RANBP17: variants seen among roughly 807,000 people sequenced by gnomAD.
The protein encoded by RANBP17 is ran-binding protein 17.
Under a neutral mutation model 141.2 loss-of-function variants are expected in RANBP17, and 158 were observed. The observed-to-expected ratio is 1.12, with a 90% CI of 0.98 to 1.28. The LOEUF is 1.28. Ranked by LOEUF, RANBP17 falls within the 50% of genes most tolerant of loss-of-function variation. RANBP17 has a pLI of 0.00. For missense variants in RANBP17, 1,438 were observed against 1,290.7 expected (o/e 1.11, Z -1.75); for synonymous variants, 430 against 450.0 (o/e 0.96, Z 0.56).
chr5:170,969,680 T>C (rs1258831597), intron 14 of RANBP17, among the ~76,000 whole-genome samples: 1 of 151,994 alleles, frequency 6.6e-6, no homozygotes, highest in African/African-American at 2.4e-5. Context: ...TGGAAGGAAC[T>C]ATGTAAAATG....
At chr5:171,166,505 T>A (rs1759709693) in intron 14 of RANBP17, among the ~76,000 whole-genome samples, 1 of 152,106 alleles carries the variant, frequency 6.6e-6, no homozygotes, top group African/African-American at 2.4e-5. Context: ...TATGGTTTCT[T>A]CTTGGTGTCA....
intron 21 of RANBP17, among the ~76,000 whole-genome samples, chr5:171,215,680 C>T (rs563689734): frequency 1.3e-5 from 2 of 152,112 alleles, no homozygotes; most frequent in East Asian, 3.9e-4. Context: ...TTTTCACATA[C>T]TTGTTGGCCA....
At chr5:170,926,674 A>G (rs1028811681) in intron 12 of RANBP17, among the ~76,000 whole-genome samples, 19 of 149,928 alleles carry the variant, frequency 1.3e-4, no homozygotes, top group African/African-American at 4.6e-4. Flanking sequence ...AATTTTTTTG[A>G]AGAGGTAATG....
intron 14 of RANBP17, among the ~76,000 whole-genome samples, chr5:171,114,466 TA>T (rs889333516): frequency 2.6e-5 from 4 of 151,934 alleles, no homozygotes; most frequent in Admixed American, 6.6e-5. Flanking sequence ...CTTTTAAAGT[TA>T]ATTTTTATGA....
At chr5:170,956,864 G>A (rs1775743653) in intron 13 of RANBP17, among the ~76,000 whole-genome samples, 1 of 151,810 alleles carries the variant, frequency 6.6e-6, no homozygotes, top group Admixed American at 6.6e-5. Flanking sequence ...GAGGTCAGGA[G>A]ATCGAGACCA....
At chr5:171,251,931 A>G (rs1298142079) in intron 24 of RANBP17, 4 of 1,602,984 alleles carry the variant, frequency 2.5e-6, no homozygotes, top group East Asian at 2.2e-5. Context: ...ACTATTTTGG[A>G]TTAGTCAGTT....
At chr5:170,963,521 A>G (rs1016570800) in intron 13 of RANBP17, among the ~76,000 whole-genome samples, 1 of 152,192 alleles carries the variant, frequency 6.6e-6, no homozygotes, top group Non-Finnish European at 1.5e-5. Flanking sequence ...GGTTTAGTAG[A>G]AGATGGTTTT....
chr5:171,026,560 CATTA>C (rs1328422722), intron 14 of RANBP17, among the ~76,000 whole-genome samples: 2 of 151,426 alleles, frequency 1.3e-5, no homozygotes, highest in South Asian at 2.1e-4. Flanking sequence ...CTTATATATT[CATTA>C]ATTAATAATT....
intron 14 of RANBP17, among the ~76,000 whole-genome samples, chr5:171,113,495 G>A (rs528896772): frequency 2.0e-5 from 3 of 151,980 alleles, no homozygotes; most frequent in Non-Finnish European, 2.9e-5. Context: ...CTTAGCTGTC[G>A]TATTATTATC....
chr5:170,921,146 T>C (rs1356886004), intron 11 of RANBP17, among the ~76,000 whole-genome samples: 2 of 152,214 alleles, frequency 1.3e-5, no homozygotes, highest in African/African-American at 4.8e-5. Context: ...TTTGGTGTTT[T>C]AGTCATGAAG....
intron 16 of RANBP17, among the ~76,000 whole-genome samples, chr5:171,174,751 A>AAT (rs113368713): frequency 7.4e-6 from 1 of 135,622 alleles, no homozygotes. Context: ...AAATATCTAG[A>AAT]GTGTGTGTGT....
intron 4 of RANBP17, among the ~76,000 whole-genome samples, chr5:170,895,067 G>A (rs891013063): frequency 1.3e-5 from 2 of 152,148 alleles, no homozygotes; most frequent in Non-Finnish European, 2.9e-5. Flanking sequence ...TGTACACATA[G>A]GATGGATGTT....
chr5:171,034,217 A>G (rs1781728644), intron 14 of RANBP17, among the ~76,000 whole-genome samples: 1 of 152,210 alleles, frequency 6.6e-6, no homozygotes. Context: ...ATACTTTGCC[A>G]AAGCAATAGT....
intron 14 of RANBP17, among the ~76,000 whole-genome samples, chr5:170,991,827 A>T (rs1324388866): frequency 2.0e-5 from 3 of 152,044 alleles, no homozygotes; most frequent in African/African-American, 7.2e-5. Flanking sequence ...AACTATTTTT[A>T]AAATTTTACC....
intron 24 of RANBP17, among the ~76,000 whole-genome samples, chr5:171,244,191 A>G (rs1019463546): frequency 6.6e-6 from 1 of 152,132 alleles, no homozygotes; most frequent in Non-Finnish European, 1.5e-5. Context: ...CAGGAGTTCA[A>G]GCCTAGGTTG....
rs145318075 is a variant in RANBP17, at chr5:171,180,092, G to A, written c.1866-3075G>A. ...GAGACAGGGATTTTCTGAGAATTTA[G>A]TTTAATGGGTTACTGCCAGCCAGAC... On this transcript the variant is annotated intron_variant, in intron 16 of 27. Coordinates refer to ENST00000523189, the MANE Select transcript of RANBP17 (RefSeq NM_022897.5). Among the ~76,000 whole-genome samples, 55 of 152,260 alleles carry A rather than the reference G, an allele frequency of 3.6e-4. 1 individual carries two copies. In the East Asian group the frequency reaches 9.8e-3, roughly 27 times the overall value.
intron 24 of RANBP17, among the ~76,000 whole-genome samples, chr5:171,253,665 G>T (rs1765712995): frequency 6.6e-6 from 1 of 152,174 alleles, no homozygotes; most frequent in Admixed American, 6.5e-5. Flanking sequence ...CTTAAAACTG[G>T]TAGAGTCTAA....
At chr5:171,118,917 C>T (rs550267368) in intron 14 of RANBP17, among the ~76,000 whole-genome samples, 2 of 152,256 alleles carry the variant, frequency 1.3e-5, no homozygotes, top group Admixed American at 1.3e-4. Context: ...CCCTTTATTT[C>T]TCTCTCTTGT....
chr5:171,202,537 T>C (rs1762354197), intron 19 of RANBP17, among the ~76,000 whole-genome samples: 1 of 152,226 alleles, frequency 6.6e-6, no homozygotes, highest in African/African-American at 2.4e-5. Flanking sequence ...TCGCACTAAG[T>C]GCCAAATGTT....
Sources: allele counts gnomAD v4.1 joint callset (sites outside exome capture counted in the v4.1 genomes callset), GRCh38; gene constraint gnomAD v4.1.1; transcripts MANE v1.5; gene names NCBI Gene and HGNC (gene_info 2026-07-23, HGNC 2026-07-21).